Variants in ST18 observed in about 807,000 individuals in gnomAD.
The protein encoded by ST18 is ST18 C2H2C-type zinc finger transcription factor, also known as suppression of tumorigenicity 18 protein.
A neutral mutation model predicts 110.0 loss-of-function variants in ST18; 50 were observed. That is an observed-to-expected ratio of 0.45 (90% CI 0.36 to 0.58). The LOEUF is 0.58. ST18 is among the 20% of genes least tolerant of loss of function. The pLI is 0.00. For missense variants in ST18, 1,306 were observed against 1,280.1 expected, an observed-to-expected ratio of 1.02 and a Z score of -0.31; for synonymous variants, 461 against 452.4, an observed-to-expected ratio of 1.02 and a Z score of -0.24.
At chr8:52,123,729 G>A (rs1320512210) in intron 23 of ST18, among the ~76,000 whole-genome samples, 1 of 152,218 alleles carries the variant, frequency 6.6e-6, no homozygotes, top group East Asian at 1.9e-4. Flanking sequence ...CCTTTGAAGT[G>A]TATGTGCTCA....
rs1226528626 is a variant in ST18, at chr8:52,177,000, T to C, written c.277+3122A>G. ...CCCTTATTTGCTATTAGTTGAAAGA[T>C]AATGTGTTAAAAGTGTCCTCCCAGC... is the stretch of plus-strand genomic sequence containing the variant. On this transcript the variant is annotated intron_variant, in intron 9 of 25. Transcript: ENST00000689386. Among the ~76,000 whole-genome samples, 3 of 152,350 alleles carry C rather than the reference T, an allele frequency of 2.0e-5. No homozygotes were observed. In the East Asian group the frequency reaches 5.8e-4, roughly 29 times the overall value.
chr8:52,131,287 A>T (rs1810181800), intron 22 of ST18, among the ~76,000 whole-genome samples: 1 of 152,174 alleles, frequency 6.6e-6, no homozygotes, highest in Admixed American at 6.5e-5. Flanking sequence ...TGTAGGGAGA[A>T]ATATGTAGGG....
At chr8:52,278,620 A>T (rs1297403582) in intron 2 of ST18, among the ~76,000 whole-genome samples, 4 of 152,198 alleles carry the variant, frequency 2.6e-5, no homozygotes, top group Non-Finnish European at 5.9e-5. Flanking sequence ...TCATTATGAA[A>T]AGAGAACTAG....
At chr8:52,391,264 CCTAGTAG>C (rs1409917632) in intron 2 of ST18, among the ~76,000 whole-genome samples, 1 of 152,116 alleles carries the variant, frequency 6.6e-6, no homozygotes, top group African/African-American at 2.4e-5. Flanking sequence ...TTGCTTGCTA[CCTAGTAG>C]CAAGCAAAGC....
chr8:52,205,193 T>C (rs2079531751), intron 8 of ST18, among the ~76,000 whole-genome samples: 2 of 149,876 alleles, frequency 1.3e-5, no homozygotes, highest in African/African-American at 4.9e-5. Flanking sequence ...TATAATAATA[T>C]ATATATTTTA....
chr8:52,259,641 G>A (rs1445490844), intron 2 of ST18, among the ~76,000 whole-genome samples: 1 of 152,162 alleles, frequency 6.6e-6, no homozygotes, highest in African/African-American at 2.4e-5. Flanking sequence ...ACTTATTCTA[G>A]TGCTTATATT....
intron 2 of ST18, among the ~76,000 whole-genome samples, chr8:52,308,923 C>T (rs561799986): frequency 2.0e-4 from 31 of 152,308 alleles, no homozygotes; most frequent in African/African-American, 7.2e-4. Context: ...CTAGTGTTCG[C>T]CATGGTACAC....
intron 2 of ST18, among the ~76,000 whole-genome samples, chr8:52,373,536 G>A (rs909837369): frequency 6.6e-6 from 1 of 151,604 alleles, no homozygotes; most frequent in African/African-American, 2.4e-5. Flanking sequence ...TCCCAGACTC[G>A]AAGCCAGCAG....
chr8:52,173,968 T>C (rs866799376), intron 9 of ST18, among the ~76,000 whole-genome samples: 1 of 152,102 alleles, frequency 6.6e-6, no homozygotes, highest in South Asian at 2.1e-4. Flanking sequence ...TCTTCCTTTC[T>C]GGTAATTATC....
chr8:52,397,048 GA>G (rs1230766511), intron 2 of ST18, among the ~76,000 whole-genome samples: 2 of 152,154 alleles, frequency 1.3e-5, no homozygotes, highest in Non-Finnish European at 2.9e-5. Flanking sequence ...AATTTCTTGG[GA>G]AACCTCCATA....
At chr8:52,361,739 C>G (rs1473735398) in intron 2 of ST18, among the ~76,000 whole-genome samples, 1 of 152,162 alleles carries the variant, frequency 6.6e-6, no homozygotes, top group Admixed American at 6.5e-5. Flanking sequence ...GAGTTAACAT[C>G]TCTAAGAACA....
At position 52,407,410 on chromosome 8, in the gene ST18, G is replaced by A. The variant is rs1432072556; in HGVS notation, c.-465+1918C>T. On this transcript the variant is annotated intron_variant, in intron 2 of 25. Transcript: ENST00000689386. ...CATTTTGCTTCAAACGCTGTGTTGC[G>A]TAGGGAATCTTCCACGAATCTGAAT... The A allele has an allele frequency of 3.9e-5, 6 of 152,098 alleles. No homozygotes were observed. In the East Asian group the frequency reaches 1.2e-3, roughly 29 times the overall value. The allele number at this position is 152,098 out of a possible 1,614,324, so 9.4% of individuals were successfully genotyped here. A position where few individuals can be genotyped will look rare whatever the true frequency, so the allele number is the denominator to read the frequency against.
At chr8:52,296,271 AC>A (rs1348550781) in intron 2 of ST18, 2 of 152,212 alleles carry the variant, frequency 1.3e-5, no homozygotes, top group Admixed American at 1.3e-4. Flanking sequence ...TGATTTCTGA[AC>A]AGACACCTTT....
chr8:52,215,610 C>A (rs1262840850), intron 6 of ST18, among the ~76,000 whole-genome samples: 1 of 152,194 alleles, frequency 6.6e-6, no homozygotes, highest in African/African-American at 2.4e-5. Context: ...TGTTCACTGC[C>A]TTTGCTGAAC....
rs1564568833 is a variant in ST18 at position 52,357,721 on chromosome 8, AT to A, written c.-465+51606del. 4.1e-4 allele frequency among the ~76,000 whole-genome samples: 33 copies of A among 80,210 alleles called. No homozygotes were observed. In the East Asian group the frequency reaches 4.4e-3, roughly 11 times the overall value. The allele number at this position is 80,210 out of a possible 152,430, so 52.6% of individuals were successfully genotyped here. ...TATATATATATATATATATATATATATATATATATAAAACAGACTCAAAGGG... is the reference window on the plus strand; with the variant it reads ...TATATATATATATATATATATATATAATATATATAAAACAGACTCAAAGGG... On this transcript the variant is annotated intron_variant, in intron 2 of 25. Transcript: ENST00000689386.
chr8:52,302,571 C>T (rs535534348), intron 2 of ST18, among the ~76,000 whole-genome samples: 1 of 152,278 alleles, frequency 6.6e-6, no homozygotes, highest in South Asian at 2.1e-4. Flanking sequence ...GGGAACTGGA[C>T]TCCTCAGAGA....
intron 2 of ST18, among the ~76,000 whole-genome samples, chr8:52,403,031 T>C (rs1343506492): frequency 6.6e-6 from 1 of 152,106 alleles, no homozygotes; most frequent in Admixed American, 6.5e-5. Flanking sequence ...GGTGGGACAT[T>C]GGGCTGGTTC....
At chr8:52,155,706 T>A (rs993335416) in intron 15 of ST18, among the ~76,000 whole-genome samples, 1 of 152,136 alleles carries the variant, frequency 6.6e-6, no homozygotes, top group Non-Finnish European at 1.5e-5. Flanking sequence ...AAATCAAAGT[T>A]TTTTTGCCCC....
In ST18 at chr8:52,112,565, T is replaced by TC. The variant is rs1409665393; in HGVS notation, c.*632dup. ...ATCCTGTGCTTTTGTGAGTGCGGAT[T>TC]CCCCACTAGTGGGCGCCATTTGTCT... On this transcript the variant is annotated 3_prime_UTR_variant, in exon 26 of 26. Transcript: ENST00000689386. The TC allele has an allele frequency of 1.3e-5, 2 of 152,592 alleles. No homozygotes were observed. The highest frequency in any genetic ancestry group is 4.8e-5 in the African/African-American group (2 of 41,408). 9.5% of individuals were successfully genotyped at this position (152,592 alleles called of 1,614,324 possible).
Sources: allele counts gnomAD v4.1 joint callset (sites outside exome capture counted in the v4.1 genomes callset), GRCh38; gene constraint gnomAD v4.1.1; transcripts MANE v1.5; gene names NCBI Gene and HGNC (gene_info 2026-07-23, HGNC 2026-07-21).